OR10A2: variants seen among roughly 807,000 people sequenced by gnomAD.
The protein encoded by OR10A2 is olfactory receptor family 10 subfamily A member 2.
OR10A2 carries 15 observed loss-of-function variants against 13.7 expected under a neutral mutation model. The observed-to-expected ratio is 1.10, with a 90% CI of 0.73 to 1.69. The LOEUF (loss-of-function observed/expected upper bound fraction) is 1.69, where lower values mean the gene tolerates loss of function less well. OR10A2 is among the 40% of genes most tolerant of loss of function. The pLI, the probability that OR10A2 is intolerant of heterozygous loss-of-function variation, is 0.00. For missense variants in OR10A2, 343 were observed against 361.1 expected (o/e 0.95, Z 0.41); for synonymous variants, 145 against 144.7 (o/e 1.00, Z -0.02).
rs780431380 is a variant in OR10A2 at position 6,870,248 on chromosome 11, T to G, written c.494T>G (p.Phe165Cys). ...GGCACCAACAAGGTGAACCACTTCT[T>G]CTGTGACAGCCCACCTGTGCTGAGG... is the stretch of plus-strand genomic sequence containing the variant. ...FCGTNKVNHF[F>C]CDSPPVLRLV... The change falls in exon 2 of 2, where the codon TTC (phenylalanine) becomes TGC (cysteine). Residue 165 changes from phenylalanine (F) to cysteine (C), a missense_variant. Transcript: ENST00000641461. 1 of 1,614,082 alleles carries G rather than the reference T, an allele frequency of 6.2e-7. No individual in the cohort carries two copies. Among genetic ancestry groups the G allele is most frequent in the African/African-American group, 1.3e-5 (1 of 74,932 alleles).
intron 1 of OR10A2, among the ~76,000 whole-genome samples, chr11:6,864,653 G>C (rs1043670047): frequency 3.3e-5 from 5 of 152,058 alleles, no homozygotes; most frequent in African/African-American, 1.2e-4. Flanking sequence ...GAGTCAGCCA[G>C]ACAGAGGAGG....
chr11:6,869,564 T>C (rs1848406918), intron 1 of OR10A2, 59 bp from the exon 2 acceptor site: 1 of 624,756 alleles, frequency 1.6e-6, no homozygotes, highest in Non-Finnish European at 2.8e-6. Flanking sequence ...GTTTTATTCT[T>C]AGACAACCCA....
Position 6,869,890 on chromosome 11 carries a change from A to G in OR10A2, c.136A>G (p.Met46Val). The change falls in exon 2 of 2, where the codon ATG (methionine) becomes GTG (valine). Residue 46 changes from methionine (M) to valine (V), a missense_variant. Coordinates refer to ENST00000641461, the MANE Select transcript of OR10A2 (RefSeq NM_001004460.2). Reference protein sequence around the residue: ...TLADPMLHSPMYFFLRNLSFL... With the variant: ...TLADPMLHSPVYFFLRNLSFL... ...AGCTGACCCCATGCTACACAGCCCC[A>G]TGTACTTCTTCCTCAGAAACTTATC... 1 of 1,614,072 alleles carries G rather than the reference A, an allele frequency of 6.2e-7. No homozygotes were observed. Among genetic ancestry groups the G allele is most frequent in the Non-Finnish European group, 8.5e-7 (1 of 1,179,988 alleles).
Position 6,870,354 on chromosome 11 carries a change from G to C in OR10A2, c.600G>C (p.Leu200=). 3 of 1,614,160 alleles carry C rather than the reference G, an allele frequency of 1.9e-6. No individual in the cohort carries two copies. In the East Asian group the frequency reaches 6.7e-5, roughly 36 times the overall value. ...TILVVMIPCL[L]ILCSYTHIAA... ...TGGTGGTCATGATCCCCTGCTTGCT[G>C]ATCTTGTGTTCCTATACTCACATTG... Residue 200 remains leucine, a synonymous_variant, in exon 2 of 2, where the codon CTG becomes CTC. Transcript: ENST00000641461.
At position 6,863,181 on chromosome 11, in the gene OR10A2, A is replaced by C. The variant is rs935229414; in HGVS notation, c.-303A>C. The C allele has an allele frequency of 1.3e-5, 2 of 152,320 alleles. No individual in the cohort carries two copies. Among genetic ancestry groups the C allele is most frequent in the Admixed American group, 6.5e-5 (1 of 15,286 alleles). The allele number at this position is 152,320 out of a possible 1,614,324, so 9.4% of individuals were successfully genotyped here. A position where few individuals can be genotyped will look rare whatever the true frequency, so the allele number is the denominator to read the frequency against. Reference sequence around the variant, plus strand: ...CACACAAGGCAGCAGTGAGCTGGCTACAGCTCCAGCCATTAATAGCTCAGC... The same window carrying C: ...CACACAAGGCAGCAGTGAGCTGGCTCCAGCTCCAGCCATTAATAGCTCAGC... On this transcript the variant is annotated 5_prime_UTR_variant, in exon 1 of 2. Transcript: ENST00000641461.
At chr11:6,868,494 C>A (rs1848397522) in intron 1 of OR10A2, among the ~76,000 whole-genome samples, 1 of 152,156 alleles carries the variant, frequency 6.6e-6, no homozygotes. Flanking sequence ...CAATGTCACT[C>A]TGCAGCTTCA....
rs1197407042 is a variant in OR10A2 at position 6,869,843 on chromosome 11, G to C, written c.89G>C (p.Cys30Ser). The change falls in exon 2 of 2, where the codon TGC becomes TCC. Residue 30 changes from cysteine (C) to serine (S), a missense_variant. Transcript: ENST00000641461. ...TIYLVTLMGN[C>S]LIILVTLADP... Reference sequence around the variant, plus strand: ...TACCTGGTCACCCTGATGGGAAACTGCCTCATCATTCTGGTTACCCTAGCT... The same window carrying C: ...TACCTGGTCACCCTGATGGGAAACTCCCTCATCATTCTGGTTACCCTAGCT... 6.8e-6 allele frequency: 11 copies of C among 1,614,002 alleles called. No homozygotes were observed. In the Admixed American group the frequency reaches 8.3e-5, roughly 12 times the overall value.
chr11:6,867,539 G>A (rs747254671), intron 1 of OR10A2, among the ~76,000 whole-genome samples: 6 of 152,010 alleles, frequency 3.9e-5, no homozygotes, highest in Non-Finnish European at 8.8e-5. Context: ...ATAGGGCTTT[G>A]TTGAGAGTAA....
Position 6,871,372 on chromosome 11 carries a change from C to A in OR10A2, c.*706C>A, listed in dbSNP as rs1055591039. ...AAATCATCTTGTCACTTTTCCTCTTCTGGGCAGATCTGACTCTACATTCAT... is the reference window on the plus strand; with the variant it reads ...AAATCATCTTGTCACTTTTCCTCTTATGGGCAGATCTGACTCTACATTCAT... On this transcript the variant is annotated 3_prime_UTR_variant, in exon 2 of 2. Transcript: ENST00000641461. The A allele has an allele frequency of 1.3e-5, 2 of 151,260 alleles. No individual in the cohort carries two copies. The highest frequency in any genetic ancestry group is 4.8e-5 in the African/African-American group (2 of 41,276). 9.4% of individuals were successfully genotyped at this position (151,260 alleles called of 1,614,324 possible).
Position 6,870,234 on chromosome 11 carries a change from G to A in OR10A2, c.480G>A (p.Lys160=), listed in dbSNP as rs371001335. 14 of 1,614,188 alleles carry A rather than the reference G, an allele frequency of 8.7e-6. No homozygotes were observed. The African/African-American group carries it at 1.9e-4, about 22-fold the overall frequency. Residue 160 remains lysine, a synonymous_variant, in exon 2 of 2, where the codon AAG becomes AAA. Transcript: ENST00000641461. The part of the protein sequence containing the change: ...LFSFPFCGTN[K]VNHFFCDSPP... ...GTTTTCCATTCTGTGGCACCAACAA[G>A]GTGAACCACTTCTTCTGTGACAGCC...
intron 1 of OR10A2, among the ~76,000 whole-genome samples, chr11:6,863,703 A>G (rs1848359589): frequency 6.6e-6 from 1 of 152,166 alleles, no homozygotes; most frequent in Admixed American, 6.5e-5. Context: ...TAACACAAAA[A>G]AGACTTGCCT....
chr11:6,869,472 A>C (rs1848405948), intron 1 of OR10A2, among the ~76,000 whole-genome samples, 151 bp from the exon 2 acceptor site: 2 of 152,208 alleles, frequency 1.3e-5, no homozygotes, highest in Admixed American at 6.5e-5. Flanking sequence ...TGAATAACTT[A>C]AGGTGTGAAC....
Position 6,870,726 on chromosome 11 carries a change from T to G in OR10A2, c.*60T>G. On this transcript the variant is annotated 3_prime_UTR_variant, in exon 2 of 2. Coordinates refer to ENST00000641461, the MANE Select transcript of OR10A2 (RefSeq NM_001004460.2). ...GAAACAATCAGTCCCAGATTTGAGA[T>G]TCCTCTCTGCATCTTTCCACATCTC... 7.7e-7 allele frequency: 1 copy of G among 1,302,498 alleles called. No individual in the cohort carries two copies. The highest frequency in any genetic ancestry group is 1.1e-6 in the Non-Finnish European group (1 of 941,200). The allele number at this position is 1,302,498 out of a possible 1,614,324, so 80.7% of individuals were successfully genotyped here.
At position 6,869,743 on chromosome 11, in the gene OR10A2, GA is replaced by G. The variant is rs1438223127; in HGVS notation, c.-11del. 1 of 1,610,412 alleles carries G rather than the reference GA, an allele frequency of 6.2e-7. No homozygotes were observed. The highest frequency in any genetic ancestry group is 1.1e-5 in the South Asian group (1 of 90,828). On this transcript the variant is annotated 5_prime_UTR_variant, in exon 2 of 2. Transcript: ENST00000641461. The stretch of plus-strand genomic sequence containing the variant: ...TACAGGAAACTGGACAAGAATAAGT[GA>G]GTTTATCCTCATGAGCTTCTCTTCC...
At chr11:6,866,375 G>A (rs1848378371) in intron 1 of OR10A2, among the ~76,000 whole-genome samples, 1 of 152,068 alleles carries the variant, frequency 6.6e-6, no homozygotes, top group South Asian at 2.1e-4. Context: ...CTTTGCATGT[G>A]GCCCAACACA....
rs1848427107 is a variant in OR10A2, at chr11:6,870,864, C to T, written c.*198C>T. ...CCAACTATGAAAACTCCTCTGCCTG[C>T]CCATTGTAGACTTACATTGTTTTCC... On this transcript the variant is annotated 3_prime_UTR_variant, in exon 2 of 2. Transcript: ENST00000641461. 1 of 488,244 alleles carries T rather than the reference C, an allele frequency of 2.0e-6. No individual in the cohort carries two copies. Among genetic ancestry groups the T allele is most frequent in the African/African-American group, 1.9e-5 (1 of 52,400 alleles). 30.2% of individuals were successfully genotyped at this position (488,244 alleles called of 1,614,324 possible). A position where few individuals can be genotyped will look rare whatever the true frequency, so the allele number is the denominator to read the frequency against.
At position 6,869,723 on chromosome 11, in the gene OR10A2, G is replaced by A. The variant is rs755692889; in HGVS notation, c.-32G>A. On this transcript the variant is annotated 5_prime_UTR_variant, in exon 2 of 2. Coordinates refer to ENST00000641461, the MANE Select transcript of OR10A2 (RefSeq NM_001004460.2). ...CTTCTGCCCACACTTATAGCTACAGGAAACTGGACAAGAATAAGTGAGTTT... is the reference window on the plus strand; with the variant it reads ...CTTCTGCCCACACTTATAGCTACAGAAAACTGGACAAGAATAAGTGAGTTT... 6.3e-7 allele frequency: 1 copy of A among 1,582,984 alleles called. No individual in the cohort carries two copies. The highest frequency in any genetic ancestry group is 8.7e-7 in the Non-Finnish European group (1 of 1,154,404).
rs1489173750 is a variant in OR10A2 at position 6,871,684 on chromosome 11, G to A, written c.*1018G>A. On this transcript the variant is annotated 3_prime_UTR_variant, in exon 2 of 2. Transcript: ENST00000641461. Reference sequence around the variant, plus strand: ...TATCGTAAATTTCAGTCATAGCTTTGCTTTGATGAGAACAAAGCTCCAGAA... The same window carrying A: ...TATCGTAAATTTCAGTCATAGCTTTACTTTGATGAGAACAAAGCTCCAGAA... The A allele has an allele frequency of 6.6e-6, 1 of 151,950 alleles. No individual in the cohort carries two copies. Among genetic ancestry groups the A allele is most frequent in the Non-Finnish European group, 1.5e-5 (1 of 68,004 alleles). 9.4% of individuals were successfully genotyped at this position (151,950 alleles called of 1,614,324 possible). A position where few individuals can be genotyped will look rare whatever the true frequency, so the allele number is the denominator to read the frequency against.
chr11:6,871,036 C>A lies in OR10A2; in HGVS notation c.*370C>A, dbSNP rs1230303014. The A allele has an allele frequency of 6.4e-6, 1 of 157,450 alleles. No homozygotes were observed. Among genetic ancestry groups the A allele is most frequent in the Non-Finnish European group, 1.4e-5 (1 of 71,562 alleles). 9.8% of individuals were successfully genotyped at this position (157,450 alleles called of 1,614,324 possible). ...TCTCTGCTCACTGCAAGCTCCGCCT[C>A]CTGGGTTCACGCTGTTCTCCTGCCT... On this transcript the variant is annotated 3_prime_UTR_variant, in exon 2 of 2. Coordinates refer to ENST00000641461, the MANE Select transcript of OR10A2 (RefSeq NM_001004460.2).
Sources: allele counts gnomAD v4.1 joint callset (sites outside exome capture counted in the v4.1 genomes callset), GRCh38; gene constraint gnomAD v4.1.1; transcripts MANE v1.5; gene names NCBI Gene and HGNC (gene_info 2026-07-23, HGNC 2026-07-21).